ARB2A: variants seen among roughly 807,000 people sequenced by gnomAD.
ARB2A encodes cotranscriptional regulator ARB2A.
At chr5:93,696,292 C>T in the ARB2A span, among the ~76,000 whole-genome samples, 11 of 152,258 alleles carry the variant, frequency 7.2e-5, no homozygotes, top group African/African-American at 2.6e-4. Flanking sequence ...ATCTGTCAAC[C>T]TCCTTTTTTG....
chr5:93,662,226 T>C, the ARB2A span, among the ~76,000 whole-genome samples: 1 of 152,186 alleles, frequency 6.6e-6, no homozygotes, highest in African/African-American at 2.4e-5. Flanking sequence ...GGAGACAAAC[T>C]ATAAATTCAT....
chr5:93,815,673 T>C, the ARB2A span, among the ~76,000 whole-genome samples: 1 of 152,186 alleles, frequency 6.6e-6, no homozygotes, highest in East Asian at 1.9e-4. Flanking sequence ...ACCTTGTGAA[T>C]CCTCCCCCTG....
the ARB2A span, among the ~76,000 whole-genome samples, chr5:93,653,095 G>A: frequency 3.9e-5 from 6 of 152,048 alleles, no homozygotes; most frequent in Admixed American, 3.3e-4. Flanking sequence ...TGTAATGAGA[G>A]TTAAAATTGA....
At chr5:93,965,637 C>T in the ARB2A span, among the ~76,000 whole-genome samples, 4 of 152,004 alleles carry the variant, frequency 2.6e-5, no homozygotes, top group Non-Finnish European at 5.9e-5. Flanking sequence ...TACTAATGGT[C>T]ATTTTAAGGA....
chr5:93,937,070 T>C, the ARB2A span, among the ~76,000 whole-genome samples: 1 of 151,726 alleles, frequency 6.6e-6, no homozygotes, highest in Non-Finnish European at 1.5e-5. Context: ...AGGCAGGGTT[T>C]CACTGTGTCA....
the ARB2A span, among the ~76,000 whole-genome samples, chr5:93,668,320 GT>G: frequency 6.6e-6 from 1 of 151,922 alleles, no homozygotes; most frequent in Non-Finnish European, 1.5e-5. Context: ...GGCCAGGCTG[GT>G]CTTGAACTCC....
the ARB2A span, among the ~76,000 whole-genome samples, chr5:93,830,705 T>A: frequency 6.6e-6 from 1 of 152,072 alleles, no homozygotes; most frequent in Non-Finnish European, 1.5e-5. Context: ...TCTCAATTTT[T>A]CTAGTCCAGC....
chr5:93,622,583 C>T, the ARB2A span, among the ~76,000 whole-genome samples: 3 of 152,192 alleles, frequency 2.0e-5, no homozygotes, highest in Admixed American at 6.5e-5. Flanking sequence ...TACTAGAGAA[C>T]CCCTCTCTCT....
chr5:93,861,308 C>CTTTTTTTTT, the ARB2A span: 2 of 108,998 alleles, frequency 1.8e-5, no homozygotes, highest in African/African-American at 3.5e-5. Flanking sequence ...CTCTTTTTTT[C>CTTTTTTTTT]TTTTTTTTTT....
the ARB2A span, among the ~76,000 whole-genome samples, chr5:93,827,188 T>C: frequency 1.3e-5 from 2 of 152,198 alleles, no homozygotes; most frequent in African/African-American, 4.8e-5. Context: ...TCCACAATGG[T>C]TGAACTAGTT....
the ARB2A span, among the ~76,000 whole-genome samples, chr5:93,731,847 T>C: frequency 6.6e-6 from 1 of 152,216 alleles, no homozygotes; most frequent in Non-Finnish European, 1.5e-5. Context: ...TATTGATTTT[T>C]AAATGCAGTG....
the ARB2A span, chr5:94,055,861 G>C: frequency 2.0e-6 from 2 of 985,306 alleles, no homozygotes; most frequent in African/African-American, 3.5e-5. Context: ...TACATAAGCA[G>C]ATCTTGCTTC....
the ARB2A span, among the ~76,000 whole-genome samples, chr5:93,709,400 T>G: frequency 6.6e-6 from 1 of 151,882 alleles, no homozygotes; most frequent in Non-Finnish European, 1.5e-5. Flanking sequence ...TTTGGGAGGC[T>G]GAGGAGGGTG....
chr5:94,080,061 GA>G, the ARB2A span, among the ~76,000 whole-genome samples: 1 of 151,952 alleles, frequency 6.6e-6, no homozygotes, highest in South Asian at 2.1e-4. Context: ...AATTTCAAAA[GA>G]AAAAAATTTA....
At chr5:93,814,584 G>C in the ARB2A span, among the ~76,000 whole-genome samples, 210 of 152,166 alleles carry the variant, frequency 1.4e-3, 1 homozygote, top group African/African-American at 4.3e-3. Flanking sequence ...TTATACTGTG[G>C]ACCTTAACAT....
At chr5:93,838,720 G>A in the ARB2A span, among the ~76,000 whole-genome samples, 2 of 151,936 alleles carry the variant, frequency 1.3e-5, no homozygotes, top group Non-Finnish European at 2.9e-5. Flanking sequence ...TGATTTCTTT[G>A]AGCAGTATAT....
the ARB2A span, among the ~76,000 whole-genome samples, chr5:93,979,388 T>C: frequency 1.3e-5 from 2 of 152,126 alleles, no homozygotes; most frequent in South Asian, 4.1e-4. Context: ...AATGTAGTGT[T>C]TCTACAAATA....
the ARB2A span, among the ~76,000 whole-genome samples, chr5:93,698,461 C>T: frequency 1.3e-5 from 2 of 151,720 alleles, no homozygotes; most frequent in Admixed American, 6.6e-5. Context: ...TGAAACAGAA[C>T]AGAAGAAGGG....
chr5:93,640,644 A>G, the ARB2A span, among the ~76,000 whole-genome samples: 1 of 149,286 alleles, frequency 6.7e-6, no homozygotes, highest in African/African-American at 2.5e-5. Context: ...GTATATATAT[A>G]TACATATACA....
Sources: allele counts gnomAD v4.1 joint callset (sites outside exome capture counted in the v4.1 genomes callset), GRCh38; gene constraint gnomAD v4.1.1; transcripts MANE v1.5; gene names NCBI Gene and HGNC (gene_info 2026-07-23, HGNC 2026-07-21).